The following HMG20A variants were observed in gnomAD, a reference collection of about 807,000 sequenced individuals.
HMG20A encodes high mobility group 20A, also known as high mobility group protein 20A.
HMG20A carries 17 observed loss-of-function variants against 43.9 expected under a neutral mutation model. The observed-to-expected ratio is 0.39, with a 90% CI of 0.27 to 0.58. HMG20A has a LOEUF of 0.58. Ranked by LOEUF, HMG20A falls within the 20% of genes least tolerant of loss-of-function variation. The probability of loss-of-function intolerance (pLI) is 0.59; values close to 1 mark genes in which losing one functional copy is unlikely to be tolerated. For missense variants in HMG20A, 341 were observed against 438.2 expected (o/e 0.78, Z 1.98); for synonymous variants, 132 against 147.5 (o/e 0.89, Z 0.76).
the HMG20A span, among the ~76,000 whole-genome samples, chr15:77,504,225 C>T: frequency 1.3e-5 from 2 of 152,342 alleles, no homozygotes; most frequent in Admixed American, 6.5e-5. Flanking sequence ...CACACCTAGC[C>T]TAGTGGCAAC....
rs1348342516 is a variant in HMG20A, at chr15:77,471,040, A to G, written c.581A>G (p.Gln194Arg). The change falls in exon 5 of 10, where the codon CAA becomes CGA. Residue 194 changes from glutamine to arginine, a missense_variant and splice_region_variant. Gln to Arg is a conservative substitution (Grantham distance 43). Coordinates refer to ENST00000336216, the MANE Select transcript of HMG20A (RefSeq NM_001304504.2). Reference protein sequence around the residue: ...QDRQKGKSHRQDAARQATHDH... With the variant: ...QDRQKGKSHRRDAARQATHDH... The stretch of plus-strand genomic sequence containing the variant: ...CGTCAGAAAGGCAAATCTCATAGGC[A>G]AGGTATCAAAACCAGAACCAAATGT... 6.2e-7 allele frequency: 1 copy of G among 1,608,530 alleles called. No homozygotes were observed. Among genetic ancestry groups the G allele is most frequent in the Non-Finnish European group, 8.5e-7 (1 of 1,178,534 alleles).
At chr15:77,458,057 C>G (rs2142324286) in intron 1 of HMG20A, among the ~76,000 whole-genome samples, 1 of 152,288 alleles carries the variant, frequency 6.6e-6, no homozygotes, top group Non-Finnish European at 1.5e-5. Flanking sequence ...GCTTAAATAG[C>G]TTGCTCAGAG....
At chr15:77,442,410 T>C (rs1269758677) in intron 1 of HMG20A, among the ~76,000 whole-genome samples, 3 of 152,236 alleles carry the variant, frequency 2.0e-5, no homozygotes, top group East Asian at 3.8e-4. Flanking sequence ...CTGTGTGTTA[T>C]TGCACTCATG....
the HMG20A span, among the ~76,000 whole-genome samples, chr15:77,516,054 G>A: frequency 6.6e-6 from 1 of 152,196 alleles, no homozygotes; most frequent in African/African-American, 2.4e-5. Context: ...CACACACAGA[G>A]GGGGAAAGCC....
At chr15:77,478,242 C>T in intron 7 of HMG20A, 53 bp from the exon 8 acceptor site, 2 of 1,580,030 alleles carry the variant, frequency 1.3e-6, no homozygotes, top group South Asian at 1.1e-5. Flanking sequence ...CATTGGGACT[C>T]CTCAGAGACT....
chr15:77,462,599 C>CA (rs2072714360), intron 2 of HMG20A, among the ~76,000 whole-genome samples: 1 of 147,858 alleles, frequency 6.8e-6, no homozygotes, highest in Non-Finnish European at 1.5e-5. Context: ...GTGTGTCTGT[C>CA]CACACACACA....
Position 77,458,163 on chromosome 15 carries a change from A to G in HMG20A, c.-4-241A>G, listed in dbSNP as rs2072673166. ...TAAATAAAAAGGAATTTTCCAAACC[A>G]CATCCCATTTGTTAAAACCTAACTT... On this transcript the variant is annotated intron_variant, in intron 1 of 9. Transcript: ENST00000336216. The G allele has an allele frequency of 9.0e-6, 3 of 331,712 alleles. No homozygotes were observed. The South Asian group carries it at 1.1e-4, about 13-fold the overall frequency. The allele number at this position is 331,712 out of a possible 1,614,324, so 20.5% of individuals were successfully genotyped here.
downstream of HMG20A, among the ~76,000 whole-genome samples, chr15:77,489,024 T>A (rs2072959190): frequency 6.6e-6 from 1 of 152,254 alleles, no homozygotes. Flanking sequence ...CATAAACCAC[T>A]GTATGACTTA....
At chr15:77,470,880 CT>C (rs747086305) in intron 4 of HMG20A, 29 bp from the exon 5 acceptor site, 103 of 1,532,196 alleles carry the variant, frequency 6.7e-5, no homozygotes, top group Non-Finnish European at 8.3e-5. Context: ...ATCTCATTTT[CT>C]TGAAAATAAT....
the HMG20A span, among the ~76,000 whole-genome samples, chr15:77,500,006 T>C: frequency 2.6e-3 from 395 of 152,148 alleles, no homozygotes; most frequent in Middle Eastern, 0.02. Context: ...AATTTTTGTA[T>C]TTTTAGTAGA....
chr15:77,436,252 C>T lies in HMG20A; in HGVS notation c.-5+15248C>T, dbSNP rs74026911. The stretch of plus-strand genomic sequence containing the variant: ...GAGACCTCTTACTAATCCCCTTACC[C>T]GTTCAACACACACACTTACACACCC... On this transcript the variant is annotated intron_variant, in intron 1 of 9. Transcript: ENST00000336216. Among the ~76,000 whole-genome samples, 726 of 152,188 alleles carry T rather than the reference C, an allele frequency of 4.8e-3. 8 individuals are homozygous for T. The highest frequency in any genetic ancestry group is 0.016 in the African/African-American group (655 of 41,538).
At chr15:77,515,012 T>C in the HMG20A span, among the ~76,000 whole-genome samples, 1 of 152,128 alleles carries the variant, frequency 6.6e-6, no homozygotes, top group African/African-American at 2.4e-5. Context: ...GGGCAGATTG[T>C]GAAGCATTTC....
At chr15:77,509,924 C>T in the HMG20A span, among the ~76,000 whole-genome samples, 1 of 151,596 alleles carries the variant, frequency 6.6e-6, no homozygotes, top group Admixed American at 6.6e-5. Flanking sequence ...AAAAAAACTA[C>T]CCAAATTATA....
At chr15:77,441,821 A>G (rs1004359463) in intron 1 of HMG20A, among the ~76,000 whole-genome samples, 2 of 152,188 alleles carry the variant, frequency 1.3e-5, no homozygotes, top group Admixed American at 6.5e-5. Context: ...TAATGTTACT[A>G]AACACCCAGG....
intron 1 of HMG20A, 147 bp downstream of exon 1, chr15:77,421,151 G>A (rs1324069915): frequency 2.6e-6 from 1 of 385,832 alleles, no homozygotes; most frequent in African/African-American, 2.1e-5. Flanking sequence ...GGTTGGGGGA[G>A]GGGAGGAAGG....
chr15:77,459,548 G>A (rs796111954), intron 2 of HMG20A, among the ~76,000 whole-genome samples: 38 of 152,306 alleles, frequency 2.5e-4, no homozygotes, highest in African/African-American at 8.7e-4. Context: ...GACAGGATGG[G>A]CCAGAAAGTG....
chr15:77,478,325 A>G lies in HMG20A; in HGVS notation c.722A>G (p.Lys241Arg). 1 of 1,613,622 alleles carries G rather than the reference A, an allele frequency of 6.2e-7. No homozygotes were observed. Among genetic ancestry groups the G allele is most frequent in the Non-Finnish European group, 8.5e-7 (1 of 1,180,026 alleles). ...AREAELRQLR[K>R]SNMEFEERNA... is the part of the protein sequence containing the mutation. ...GAAGCAGAGCTCCGCCAGCTTCGCA[A>G]ATCCAACATGGAGTTTGAGGAGAGG... Residue 241 changes from lysine to arginine, a missense_variant, in exon 8 of 10, where the codon AAA (lysine) becomes AGA (arginine). By Grantham distance (26) the Lys-to-Arg change is conservative. Around this residue, in one of 3 missense-constraint regions of HMG20A, gnomAD observed 118 missense variants for 154.5 expected, o/e 0.76. Transcript: ENST00000336216.
intron 9 of HMG20A, chr15:77,479,726 A>G (rs908682637): frequency 6.5e-5 from 10 of 154,410 alleles, no homozygotes; most frequent in African/African-American, 2.2e-4. Context: ...GTTTCCCAAA[A>G]GGTTTTGAAA....
intron 1 of HMG20A, among the ~76,000 whole-genome samples, chr15:77,446,439 G>C (rs966697673): frequency 6.6e-6 from 1 of 151,916 alleles, no homozygotes; most frequent in African/African-American, 2.4e-5. Flanking sequence ...AAAAACTCGT[G>C]TCTCCTCTTG....
Sources: gnomAD v4.1 joint callset for allele counts (sites outside exome capture counted in the v4.1 genomes callset) on GRCh38, gnomAD v4.1.1 for gene constraint, gnomAD v4.1.1 regional missense constraint, MANE v1.5 for transcripts, NCBI Gene and HGNC (gene_info 2026-07-23, HGNC 2026-07-21) for gene names.